PCDHGA4: variants seen among roughly 807,000 people sequenced by gnomAD.
The protein encoded by PCDHGA4 is protocadherin gamma subfamily A, 4, also known as protocadherin gamma-A4.
Under a neutral mutation model 54.6 loss-of-function variants are expected in PCDHGA4, and 38 were observed. That is an observed-to-expected ratio of 0.70 (90% CI 0.54 to 0.91). The LOEUF (loss-of-function observed/expected upper bound fraction) is 0.91. Among genes scored for constraint, PCDHGA4 ranks in the 40% least tolerant of loss-of-function variants. PCDHGA4 has a pLI of 0.00. For synonymous variants in PCDHGA4, 511 were observed against 512.9 expected (o/e 1.00, Z 0.05); for missense variants, 1,298 against 1,220.9 (o/e 1.06, Z -0.94).
At chr5:141,402,335 G>A (rs1157845729) in intron 1 of PCDHGA4, among the ~76,000 whole-genome samples, 1 of 151,508 alleles carries the variant, frequency 6.6e-6, no homozygotes, top group Non-Finnish European at 1.5e-5. Context: ...CAAATATATA[G>A]GTATAAAAAT....
At position 141,366,371 on chromosome 5, in the gene PCDHGA4, C is replaced by T. The variant is rs780787385; in HGVS notation, c.2514+8750C>T. 2.2e-5 allele frequency: 35 copies of T among 1,613,992 alleles called. No individual in the cohort carries two copies. In the South Asian group the frequency reaches 3.4e-4, roughly 16 times the overall value. Reference sequence around the variant, plus strand: ...GGCTGACCTAGGCAGTATCAAGACCCCCATTGACCCTGAGGATCTGGACCT... The same window carrying T: ...GGCTGACCTAGGCAGTATCAAGACCTCCATTGACCCTGAGGATCTGGACCT... On this transcript the variant is annotated intron_variant, in intron 1 of 3. Coordinates refer to ENST00000571252, the MANE Select transcript of PCDHGA4 (RefSeq NM_018917.4).
At position 141,489,632 on chromosome 5, in the gene PCDHGA4, C is replaced by T; in HGVS notation, c.2515-5175C>T. 6.2e-7 allele frequency: 1 copy of T among 1,614,138 alleles called. No homozygotes were observed. Among genetic ancestry groups the T allele is most frequent in the Non-Finnish European group, 8.5e-7 (1 of 1,180,010 alleles). Reference sequence around the variant, plus strand: ...ATCCTGGATCTCAATGACAACTCTCCTAGCTTTGCCACCCCTGAGCGAGAG... The same window carrying T: ...ATCCTGGATCTCAATGACAACTCTCTTAGCTTTGCCACCCCTGAGCGAGAG... On this transcript the variant is annotated intron_variant, in intron 1 of 3. Transcript: ENST00000571252. The surrounding 1 kb of genome is among the most constrained non-coding windows in gnomAD (Gnocchi z 4.5).
At position 141,431,215 on chromosome 5, in the gene PCDHGA4, C is replaced by G. The variant is rs1225114172; in HGVS notation, c.2515-63592C>G. 1 of 1,614,184 alleles carries G rather than the reference C, an allele frequency of 6.2e-7. No individual in the cohort carries two copies. Among genetic ancestry groups the G allele is most frequent in the Admixed American group, 1.7e-5 (1 of 60,032 alleles). On this transcript the variant is annotated intron_variant, in intron 1 of 3. Coordinates refer to ENST00000571252, the MANE Select transcript of PCDHGA4 (RefSeq NM_018917.4). This position sits in a 1 kb window ranked among gnomAD's most constrained non-coding sequence, Gnocchi z 4.8. ...AAAATGCAGCCACTGAGATGCGGTTCCCTCTACCCCACGCCTGGGATCCGG... is the reference window on the plus strand; with the variant it reads ...AAAATGCAGCCACTGAGATGCGGTTGCCTCTACCCCACGCCTGGGATCCGG...
chr5:141,490,923 C>T lies in PCDHGA4; in HGVS notation c.2515-3884C>T. The T allele has an allele frequency of 6.2e-7, 1 of 1,613,668 alleles. No homozygotes were observed. Among genetic ancestry groups the T allele is most frequent in the South Asian group, 1.1e-5 (1 of 91,050 alleles). On this transcript the variant is annotated intron_variant, in intron 1 of 3. Coordinates refer to ENST00000571252, the MANE Select transcript of PCDHGA4 (RefSeq NM_018917.4). The surrounding 1 kb of genome is among the most constrained non-coding windows in gnomAD (Gnocchi z 5.4). ...TTGTCCTAGACGAGAATGATAATGC[C>T]CCAGCTGTGCTGCACCCACGGCCAG...
intron 1 of PCDHGA4, among the ~76,000 whole-genome samples, chr5:141,426,133 G>A (rs2096916691): frequency 6.6e-6 from 1 of 152,212 alleles, no homozygotes. Context: ...GCCAAGACTT[G>A]GGCTTTCTGC....
At chr5:141,448,394 T>C (rs1360417681) in intron 1 of PCDHGA4, among the ~76,000 whole-genome samples, 1 of 152,206 alleles carries the variant, frequency 6.6e-6, no homozygotes. Context: ...TACATTTACA[T>C]GGTTTTAAAA....
At chr5:141,408,192 C>A (rs2095055859) in intron 1 of PCDHGA4, 1 of 1,545,004 alleles carries the variant, frequency 6.5e-7, no homozygotes, top group South Asian at 1.2e-5. Flanking sequence ...CAGCGAGAAC[C>A]CGAGCGAACG....
At chr5:141,410,037 G>T (rs760397726) in intron 1 of PCDHGA4, 2 of 1,613,250 alleles carry the variant, frequency 1.2e-6, no homozygotes, top group South Asian at 2.2e-5. Flanking sequence ...CTGCAGGCCA[G>T]TGAGCCCGGA....
At chr5:141,467,285 T>G (rs6870144) in intron 1 of PCDHGA4, among the ~76,000 whole-genome samples, 42,564 of 152,010 alleles carry the variant, frequency 0.28, 6,785 homozygotes, top group African/African-American at 0.45. Context: ...ACTCTTGACC[T>G]CAAGTGATCC....
Position 141,487,323 on chromosome 5 carries a change from G to T in PCDHGA4, c.2515-7484G>T. The T allele has an allele frequency of 6.2e-7, 1 of 1,614,100 alleles. No homozygotes were observed. The highest frequency in any genetic ancestry group is 8.5e-7 in the Non-Finnish European group (1 of 1,180,004). On this transcript the variant is annotated intron_variant, in intron 1 of 3. Coordinates refer to ENST00000571252, the MANE Select transcript of PCDHGA4 (RefSeq NM_018917.4). This position sits in a 1 kb window ranked among gnomAD's most constrained non-coding sequence, Gnocchi z 5.0. ...GTGGCACTACTCTCTAAGTGTCTTC[G>T]TGGGGCAGCCTGTGGAGTCACATGC... is the stretch of plus-strand genomic sequence containing the variant.
At chr5:141,360,345 G>A (rs763623881) in intron 1 of PCDHGA4, 2 of 1,613,886 alleles carry the variant, frequency 1.2e-6, no homozygotes, top group Admixed American at 1.7e-5. Context: ...GGGTTAGCGC[G>A]GAGAAGGAAT....
chr5:141,378,181 C>G (rs183481155), intron 1 of PCDHGA4: 2 of 152,302 alleles, frequency 1.3e-5, no homozygotes, highest in Admixed American at 6.5e-5. Flanking sequence ...AGCACCGATG[C>G]TGTGTGCCTA....
At chr5:141,430,878 A>G in intron 1 of PCDHGA4, 1 of 1,600,748 alleles carries the variant, frequency 6.2e-7, no homozygotes, top group Admixed American at 1.8e-5. Context: ...GAAGAGCTGG[A>G]GAAAGGCTCT....
chr5:141,391,553 T>G (rs2150453893), intron 1 of PCDHGA4: 1 of 152,348 alleles, frequency 6.6e-6, no homozygotes, highest in South Asian at 2.1e-4. Context: ...CTACCCAGTT[T>G]TCCATATGCA....
At chr5:141,440,982 A>G (rs940098060) in intron 1 of PCDHGA4, 4 of 152,234 alleles carry the variant, frequency 2.6e-5, no homozygotes, top group Non-Finnish European at 5.9e-5. Context: ...TTCACAACCC[A>G]GAGTACCCAT....
intron 1 of PCDHGA4, among the ~76,000 whole-genome samples, chr5:141,460,992 T>C (rs2099006034): frequency 6.6e-6 from 1 of 151,316 alleles, no homozygotes; most frequent in South Asian, 2.1e-4. Context: ...TGTATATATA[T>C]ATATGTGTAT....
At chr5:141,453,807 A>G (rs752553367) in intron 1 of PCDHGA4, among the ~76,000 whole-genome samples, 3 of 152,250 alleles carry the variant, frequency 2.0e-5, no homozygotes, top group Non-Finnish European at 4.4e-5. Flanking sequence ...GAGTAGTTCC[A>G]TAAAGGACAA....
chr5:141,374,221 C>A, intron 1 of PCDHGA4: 1 of 1,613,996 alleles, frequency 6.2e-7, no homozygotes, highest in Non-Finnish European at 8.5e-7. Flanking sequence ...CCTTCGTAGG[C>A]AACATCGTCA....
chr5:141,442,779 A>G (rs1453800627), intron 1 of PCDHGA4, among the ~76,000 whole-genome samples: 1 of 152,160 alleles, frequency 6.6e-6, no homozygotes, highest in Non-Finnish European at 1.5e-5. Context: ...GTTTGATTAT[A>G]TTTTATAATT....
Sources: allele counts gnomAD v4.1 joint callset (sites outside exome capture counted in the v4.1 genomes callset), GRCh38; gene constraint gnomAD v4.1.1; non-coding constraint Gnocchi (gnomAD v3.1); transcripts MANE v1.5; gene names NCBI Gene and HGNC (gene_info 2026-07-23, HGNC 2026-07-21).